Variants in ZMYM4 observed in about 807,000 individuals in gnomAD.
ZMYM4 encodes the protein zinc finger MYM-type protein 4.
ZMYM4 carries 31 observed loss-of-function variants against 183.2 expected under a neutral mutation model. The ratio of observed to expected loss-of-function variants is 0.17; its 90% CI spans 0.13 to 0.23. The LOEUF (loss-of-function observed/expected upper bound fraction) is 0.23. ZMYM4 is among the 10% of genes least tolerant of loss of function. The probability of loss-of-function intolerance (pLI) is 1.00; values close to 1 mark genes in which losing one functional copy is unlikely to be tolerated. For synonymous variants in ZMYM4, 592 were observed against 631.2 expected (o/e 0.94, Z 0.93); for missense variants, 1,273 against 1,840.3 (o/e 0.69, Z 5.64).
intron 9 of ZMYM4, among the ~76,000 whole-genome samples, chr1:35,383,733 T>A (rs1395802587): frequency 6.6e-6 from 1 of 152,186 alleles, no homozygotes; most frequent in East Asian, 1.9e-4. Flanking sequence ...TTCTTTACTT[T>A]TAATTTAGTC....
rs190168258 is a variant in ZMYM4, at chr1:35,358,012, A to G, written c.86-913A>G. Among the ~76,000 whole-genome samples, 28 of 152,310 alleles carry G rather than the reference A, an allele frequency of 1.8e-4. No individual in the cohort carries two copies. The East Asian group carries it at 5.4e-3, about 29-fold the overall frequency. Reference sequence around the variant, plus strand: ...CAAAGAATCCAAAGGAATTTTATCCATGAGGGATATGCCATTTAGGAATTG... The same window carrying G: ...CAAAGAATCCAAAGGAATTTTATCCGTGAGGGATATGCCATTTAGGAATTG... On this transcript the variant is annotated intron_variant, in intron 2 of 29. Transcript: ENST00000314607.
rs532135576 is a variant in ZMYM4 at position 35,331,462 on chromosome 1, T to C, written c.85+6057T>C. Among the ~76,000 whole-genome samples the C allele has an allele frequency of 3.7e-4, 56 of 152,286 alleles. 1 individual carries two copies. The highest frequency in any genetic ancestry group is 3.4e-3 in the Middle Eastern group (1 of 294). On this transcript the variant is annotated intron_variant, in intron 2 of 29. Transcript: ENST00000314607. ...AAAGGTTTATGTTTTTGCCAGTAAC[T>C]TACAGCAATTTCAGCATTGTTATCA...
At chr1:35,281,516 G>A (rs1640157623) in intron 1 of ZMYM4, among the ~76,000 whole-genome samples, 1 of 152,022 alleles carries the variant, frequency 6.6e-6, no homozygotes. Context: ...GTTAGGTGGT[G>A]TGAATAAGTA....
At chr1:35,324,838 A>C in intron 1 of ZMYM4, among the ~76,000 whole-genome samples, 1 of 152,102 alleles carries the variant, frequency 6.6e-6, no homozygotes, top group East Asian at 1.9e-4. Flanking sequence ...TCTGTGTTTA[A>C]AGATCTGAAA....
chr1:35,419,926 G>A lies in ZMYM4; in HGVS notation c.*249G>A. 2.1e-6 allele frequency: 1 copy of A among 480,154 alleles called. No homozygotes were observed. Among genetic ancestry groups the A allele is most frequent in the Non-Finnish European group, 3.8e-6 (1 of 263,030 alleles). The allele number at this position is 480,154 out of a possible 1,614,324, so 29.7% of individuals were successfully genotyped here. A position where few individuals can be genotyped will look rare whatever the true frequency, so the allele number is the denominator to read the frequency against. On this transcript the variant is annotated 3_prime_UTR_variant, in exon 30 of 30. Transcript: ENST00000314607. ...TCTTCAGAATGACTAATTTCTCCGA[G>A]TGGTGCATAATCTTATTTTGTTTGG...
chr1:35,360,466 A>G (rs1378187555), intron 3 of ZMYM4, among the ~76,000 whole-genome samples: 1 of 152,158 alleles, frequency 6.6e-6, no homozygotes, highest in Non-Finnish European at 1.5e-5. Context: ...AGAACAAACC[A>G]GTATTGTTAA....
chr1:35,377,055 T>C (rs1426603287), intron 7 of ZMYM4, among the ~76,000 whole-genome samples: 2 of 151,782 alleles, frequency 1.3e-5, no homozygotes, highest in South Asian at 2.1e-4. Context: ...TACAGGCGCA[T>C]GCCACCATGC....
chr1:35,359,915 C>G (rs892990449), intron 3 of ZMYM4, among the ~76,000 whole-genome samples: 1 of 150,514 alleles, frequency 6.6e-6, no homozygotes, highest in African/African-American at 2.5e-5. Flanking sequence ...ATAAAAAAAA[C>G]CCAAACATTT....
chr1:35,396,494 T>A (rs1644811025), intron 18 of ZMYM4, 58 bp from the exon 19 acceptor site: 1 of 1,598,006 alleles, frequency 6.3e-7, no homozygotes, highest in Non-Finnish European at 8.5e-7. Context: ...TTTTGAAATC[T>A]TATGAAAGCA....
intron 1 of ZMYM4, among the ~76,000 whole-genome samples, chr1:35,283,326 C>CTTTTTTTTTTTTTTT (rs201360397): frequency 1.8e-5 from 1 of 56,732 alleles, no homozygotes; most frequent in African/African-American, 9.5e-5. Flanking sequence ...GAAGTGGTAT[C>CTTTTTTTTTTTTTTT]TTTTTTTTTT....
At chr1:35,411,283 A>G (rs1639882797) in intron 26 of ZMYM4, among the ~76,000 whole-genome samples, 1 of 147,520 alleles carries the variant, frequency 6.8e-6, no homozygotes, top group Non-Finnish European at 1.5e-5. Context: ...CCTCCCGAGT[A>G]GCTGGGATTA....
chr1:35,370,185 A>G (rs917873889), intron 6 of ZMYM4, 72 bp downstream of exon 6: 8 of 1,563,374 alleles, frequency 5.1e-6, no homozygotes, highest in Non-Finnish European at 7.0e-6. Flanking sequence ...TTCTGCTTGT[A>G]TTAATAAACC....
chr1:35,387,213 G>C lies in ZMYM4; in HGVS notation c.2047G>C (p.Val683Leu), dbSNP rs1419414271. 6 of 1,614,078 alleles carry C rather than the reference G, an allele frequency of 3.7e-6. No homozygotes were observed. Among genetic ancestry groups the C allele is most frequent in the African/African-American group, 1.3e-5 (1 of 74,934 alleles). The change falls in exon 12 of 30, where the codon GTG becomes CTG. Residue 683 changes from valine (V) to leucine (L), a missense_variant. Transcript: ENST00000314607. ...SQHVGFARSV[V>L]KLKCQHCNRL... Reference sequence around the variant, plus strand: ...GCATGTTGGGTTTGCACGAAGTGTTGTGAAACTCAAATGTCAACACTGTAA... The same window carrying C: ...GCATGTTGGGTTTGCACGAAGTGTTCTGAAACTCAAATGTCAACACTGTAA...
chr1:35,318,318 A>G (rs1391740605), intron 1 of ZMYM4, among the ~76,000 whole-genome samples: 1 of 152,148 alleles, frequency 6.6e-6, no homozygotes, highest in Non-Finnish European at 1.5e-5. Flanking sequence ...TTGGCCTCCC[A>G]AAATGCTGGG....
At chr1:35,393,257 C>G (rs562661446) in intron 17 of ZMYM4, among the ~76,000 whole-genome samples, 1 of 152,286 alleles carries the variant, frequency 6.6e-6, no homozygotes, top group African/African-American at 2.4e-5. Flanking sequence ...TTGAATCTCT[C>G]AAGTCCTCTG....
chr1:35,270,735 C>G (rs985933366), intron 1 of ZMYM4, among the ~76,000 whole-genome samples: 1 of 152,158 alleles, frequency 6.6e-6, no homozygotes, highest in African/African-American at 2.4e-5. Context: ...CGAGATCGTG[C>G]TACTGCACTC....
intron 7 of ZMYM4, among the ~76,000 whole-genome samples, chr1:35,371,083 G>C (rs1356973013): frequency 8.3e-6 from 1 of 121,020 alleles, no homozygotes; most frequent in Non-Finnish European, 1.7e-5. Context: ...GTGTGTGTGT[G>C]TGTGTGTGTG....
At chr1:35,306,126 G>A (rs900705208) in intron 1 of ZMYM4, among the ~76,000 whole-genome samples, 7 of 151,772 alleles carry the variant, frequency 4.6e-5, no homozygotes, top group South Asian at 4.2e-4. Context: ...CTTTATTCTC[G>A]CCTTATTGTA....
intron 1 of ZMYM4, among the ~76,000 whole-genome samples, chr1:35,309,469 T>C (rs1641693546): frequency 6.6e-6 from 1 of 152,208 alleles, no homozygotes; most frequent in Non-Finnish European, 1.5e-5. Context: ...TTAGTCAGAA[T>C]AATTTGTCTA....
Sources: gnomAD v4.1 joint callset for allele counts (sites outside exome capture counted in the v4.1 genomes callset) on GRCh38, gnomAD v4.1.1 for gene constraint, MANE v1.5 for transcripts, NCBI Gene and HGNC (gene_info 2026-07-23, HGNC 2026-07-21) for gene names.